The following PGCKA1 variants were observed in gnomAD, a reference collection of about 807,000 sequenced individuals.
PGCKA1 encodes PDCD10 and GCKIII kinases associated 1.
chr4:37,462,607 G>T, the PGCKA1 span, among the ~76,000 whole-genome samples: 1 of 152,146 alleles, frequency 6.6e-6, no homozygotes, highest in Non-Finnish European at 1.5e-5. Flanking sequence ...GAATCCATAT[G>T]TTGATCCCAA....
At chr4:37,556,862 A>C in the PGCKA1 span, among the ~76,000 whole-genome samples, 17 of 152,238 alleles carry the variant, frequency 1.1e-4, no homozygotes, top group Non-Finnish European at 2.9e-5. Context: ...TACTATGATA[A>C]AAAATAAGAA....
At chr4:37,468,204 C>T in the PGCKA1 span, among the ~76,000 whole-genome samples, 2 of 152,168 alleles carry the variant, frequency 1.3e-5, no homozygotes, top group Non-Finnish European at 2.9e-5. Flanking sequence ...TCTCATAGGT[C>T]CTTTTCACAC....
the PGCKA1 span, among the ~76,000 whole-genome samples, chr4:37,586,505 C>T: frequency 2.6e-5 from 4 of 152,076 alleles, no homozygotes; most frequent in Admixed American, 2.0e-4. Context: ...ATGAGTCCTC[C>T]CAGGAAGAGT....
chr4:37,478,142 A>ACCCCCCC, the PGCKA1 span, among the ~76,000 whole-genome samples: 5 of 59,558 alleles, frequency 8.4e-5, no homozygotes, highest in African/African-American at 2.2e-4. Context: ...TTTTAAAAAC[A>ACCCCCCC]CCCCCCCCCA....
At chr4:37,550,472 G>C in the PGCKA1 span, among the ~76,000 whole-genome samples, 1 of 152,280 alleles carries the variant, frequency 6.6e-6, no homozygotes. Flanking sequence ...AAAAGGTCCT[G>C]TTTGGCTCCA....
At chr4:37,531,054 A>T in the PGCKA1 span, among the ~76,000 whole-genome samples, 1 of 152,216 alleles carries the variant, frequency 6.6e-6, no homozygotes, top group Admixed American at 6.5e-5. Context: ...CCTGACTGAC[A>T]TATATGTGTC....
At chr4:37,482,412 A>G in the PGCKA1 span, among the ~76,000 whole-genome samples, 205 of 152,316 alleles carry the variant, frequency 1.3e-3, no homozygotes, top group African/African-American at 4.6e-3. Flanking sequence ...CTTGCTATGC[A>G]AAGAGACTGG....
the PGCKA1 span, among the ~76,000 whole-genome samples, chr4:37,458,514 C>T: frequency 6.6e-6 from 1 of 152,156 alleles, no homozygotes; most frequent in Admixed American, 6.5e-5. Context: ...CATCTGTGGA[C>T]ACCAAGGCAG....
chr4:37,512,701 G>T, the PGCKA1 span, among the ~76,000 whole-genome samples: 5 of 151,754 alleles, frequency 3.3e-5, no homozygotes, highest in African/African-American at 1.2e-4. Context: ...TGATCCACCC[G>T]CCTCGGCCTT....
chr4:37,553,513 A>G, the PGCKA1 span, among the ~76,000 whole-genome samples: 1 of 152,224 alleles, frequency 6.6e-6, no homozygotes, highest in South Asian at 2.1e-4. Flanking sequence ...AAACTATAAT[A>G]TGGGATTAAT....
the PGCKA1 span, among the ~76,000 whole-genome samples, chr4:37,554,488 C>T: frequency 1.3e-5 from 2 of 152,140 alleles, no homozygotes; most frequent in African/African-American, 2.4e-5. Context: ...GCTGGGACTA[C>T]AGGCATGTGC....
chr4:37,542,094 G>A, the PGCKA1 span, among the ~76,000 whole-genome samples: 1 of 152,268 alleles, frequency 6.6e-6, no homozygotes, highest in South Asian at 2.1e-4. Flanking sequence ...GGTCTCAGAT[G>A]TTTATCATAG....
chr4:37,509,720 C>G, the PGCKA1 span, among the ~76,000 whole-genome samples: 24,389 of 149,650 alleles, frequency 0.16, 2,641 homozygotes, highest in Non-Finnish European at 0.23. Context: ...CAGCACTTCG[C>G]GAGGCCGAGG....
At chr4:37,502,784 A>G in the PGCKA1 span, among the ~76,000 whole-genome samples, 1 of 151,930 alleles carries the variant, frequency 6.6e-6, no homozygotes, top group South Asian at 2.1e-4. Flanking sequence ...TCCTTGCTGG[A>G]GCTCTCTACC....
At chr4:37,486,720 G>T in the PGCKA1 span, among the ~76,000 whole-genome samples, 1 of 152,166 alleles carries the variant, frequency 6.6e-6, no homozygotes, top group Non-Finnish European at 1.5e-5. Context: ...GGGACTTTCA[G>T]TGTTTATCCT....
chr4:37,573,139 TTAA>T, the PGCKA1 span, among the ~76,000 whole-genome samples: 1 of 152,240 alleles, frequency 6.6e-6, no homozygotes, highest in African/African-American at 2.4e-5. Flanking sequence ...ATGTATATCA[TTAA>T]TGAGAATTCT....
chr4:37,473,730 T>A, the PGCKA1 span, among the ~76,000 whole-genome samples: 1 of 152,138 alleles, frequency 6.6e-6, no homozygotes, highest in Non-Finnish European at 1.5e-5. Flanking sequence ...ACCCCACAGT[T>A]CTTCCCAGTC....
At chr4:37,484,534 A>G in the PGCKA1 span, among the ~76,000 whole-genome samples, 1 of 152,154 alleles carries the variant, frequency 6.6e-6, no homozygotes, top group Non-Finnish European at 1.5e-5. Flanking sequence ...TGTGGGGAGC[A>G]TATCATGATA....
chr4:37,509,405 C>T, the PGCKA1 span, among the ~76,000 whole-genome samples: 4 of 134,194 alleles, frequency 3.0e-5, no homozygotes, highest in Non-Finnish European at 4.9e-5. Context: ...CCAGACGGGG[C>T]GGCAGGGCAG....
Sources: gnomAD v4.1 joint callset for allele counts (sites outside exome capture counted in the v4.1 genomes callset) on GRCh38, gnomAD v4.1.1 for gene constraint, MANE v1.5 for transcripts, NCBI Gene and HGNC (gene_info 2026-07-23, HGNC 2026-07-21) for gene names.